Variants in DCLK1 observed in about 807,000 individuals in gnomAD.
DCLK1 encodes the protein serine/threonine-protein kinase DCLK1.
DCLK1 carries 16 observed loss-of-function variants against 86.2 expected under a neutral mutation model. That is an observed-to-expected ratio of 0.19 (90% CI 0.13 to 0.28). The LOEUF (loss-of-function observed/expected upper bound fraction) is 0.28, where lower values mean the gene tolerates loss of function less well. Among genes scored for constraint, DCLK1 ranks in the 10% least tolerant of loss-of-function variants. The pLI is 1.00. For synonymous variants in DCLK1, 369 were observed against 370.5 expected, an observed-to-expected ratio of 1.00 and a Z score of 0.05; for missense variants, 590 against 940.2, an observed-to-expected ratio of 0.63 and a Z score of 4.87.
rs141496333 is a variant in DCLK1, at chr13:35,920,174, G to A, written c.823+27184C>T. The stretch of plus-strand genomic sequence containing the variant: ...AATGTATATGGACATCTCTCTACTC[G>A]TATCTGCAACTATGTCCACATCTTC... On this transcript the variant is annotated intron_variant, in intron 4 of 16. Coordinates refer to ENST00000360631, the MANE Select transcript of DCLK1 (RefSeq NM_001330071.2). 3.3e-3 allele frequency among the ~76,000 whole-genome samples: 495 copies of A among 152,096 alleles called. 3 individuals are homozygous for A. Among genetic ancestry groups the A allele is most frequent in the Non-Finnish European group, 5.7e-3 (388 of 68,000 alleles).
At chr13:35,839,032 G>T in intron 7 of DCLK1, 60 bp downstream of exon 7, 1 of 1,462,316 alleles carries the variant, frequency 6.8e-7, no homozygotes, top group Non-Finnish European at 9.4e-7. Context: ...ACAGTTTCTT[G>T]GAGTAAATTT....
chr13:36,104,393 G>A (rs1296402794), intron 3 of DCLK1, among the ~76,000 whole-genome samples: 2 of 152,178 alleles, frequency 1.3e-5, no homozygotes, highest in African/African-American at 2.4e-5. Context: ...GGAGGAGACA[G>A]GCATTACAAT....
chr13:35,850,762 G>T (rs1345190468), intron 6 of DCLK1: 1 of 1,600,062 alleles, frequency 6.2e-7, no homozygotes, highest in Non-Finnish European at 8.5e-7. Context: ...CCGAAGAGAG[G>T]GGGCGGTACA....
At position 35,774,419 on chromosome 13, in the gene DCLK1, G is replaced by T; in HGVS notation, c.*116C>A. On this transcript the variant is annotated 3_prime_UTR_variant, in exon 17 of 17. Transcript: ENST00000360631. ...GATACCTGAAAACACTTTCAGTTCT[G>T]CCATTCAAGCATTGAGCGCTAGATA... is the stretch of plus-strand genomic sequence containing the variant. The T allele has an allele frequency of 8.2e-7, 1 of 1,222,956 alleles. No homozygotes were observed. 75.8% of individuals were successfully genotyped at this position (1,222,956 alleles called of 1,614,324 possible). A position where few individuals can be genotyped will look rare whatever the true frequency, so the allele number is the denominator to read the frequency against.
intron 4 of DCLK1, among the ~76,000 whole-genome samples, chr13:35,873,113 C>T (rs5020952): frequency 0.2 from 30,564 of 151,626 alleles, 3,151 homozygotes; most frequent in East Asian, 0.28. Flanking sequence ...GCCGGGCCAA[C>T]ATGGTGAAAC....
intron 3 of DCLK1, among the ~76,000 whole-genome samples, chr13:36,079,726 G>A (rs1045180479): frequency 1.3e-5 from 2 of 152,016 alleles, no homozygotes; most frequent in Admixed American, 6.6e-5. Flanking sequence ...CAAGGAAAAC[G>A]AATTGCTACA....
rs561655891 is a variant in DCLK1 at position 35,770,422 on chromosome 13, T to G, written c.*4113A>C. 6.6e-6 allele frequency: 1 copy of G among 152,314 alleles called. No homozygotes were observed. Among genetic ancestry groups the G allele is most frequent in the Non-Finnish European group, 1.5e-5 (1 of 68,024 alleles). The allele number at this position is 152,314 out of a possible 1,614,324, so 9.4% of individuals were successfully genotyped here. A position where few individuals can be genotyped will look rare whatever the true frequency, so the allele number is the denominator to read the frequency against. ...CACTATTTTCCCCAACAGACTAGAA[T>G]GGCTCCATGAAATTTGACAATTAAG... is the stretch of plus-strand genomic sequence containing the variant. On this transcript the variant is annotated 3_prime_UTR_variant, in exon 17 of 17. Transcript: ENST00000360631.
chr13:35,797,396 T>C (rs1252940469), intron 15 of DCLK1, among the ~76,000 whole-genome samples: 6 of 152,152 alleles, frequency 3.9e-5, no homozygotes, highest in African/African-American at 1.4e-4. Flanking sequence ...GATTTCCTTA[T>C]CATTTCCCAG....
intron 11 of DCLK1, among the ~76,000 whole-genome samples, chr13:35,816,851 C>T (rs1381595121): frequency 6.6e-6 from 1 of 152,194 alleles, no homozygotes; most frequent in Non-Finnish European, 1.5e-5. Context: ...ATGTGAACAT[C>T]CCTCTGGATA....
At chr13:35,947,776 G>A (rs879753502) in intron 3 of DCLK1, among the ~76,000 whole-genome samples, 5 of 152,084 alleles carry the variant, frequency 3.3e-5, no homozygotes, top group African/African-American at 7.2e-5. Flanking sequence ...TTTCCTCTTC[G>A]GAATGTAATA....
At chr13:36,109,785 G>A (rs529799016) in intron 3 of DCLK1, among the ~76,000 whole-genome samples, 84 of 152,256 alleles carry the variant, frequency 5.5e-4, no homozygotes, top group Middle Eastern at 3.4e-3. Flanking sequence ...ATTAAACCTC[G>A]GATTCCGTCC....
At chr13:36,052,061 C>G (rs1187733905) in intron 3 of DCLK1, among the ~76,000 whole-genome samples, 1 of 152,188 alleles carries the variant, frequency 6.6e-6, no homozygotes, top group Non-Finnish European at 1.5e-5. Context: ...TCATCACTAT[C>G]ACTTTAGAGA....
intron 4 of DCLK1, among the ~76,000 whole-genome samples, chr13:35,933,701 C>T (rs1156964230): frequency 6.6e-6 from 1 of 152,214 alleles, no homozygotes; most frequent in African/African-American, 2.4e-5. Flanking sequence ...CTGCACACAG[C>T]TCAGGGACCC....
In DCLK1 at chr13:35,790,659, T is replaced by G. The variant is rs550410303; in HGVS notation, c.2058+2707A>C. ...CTATCAAAGAGAAGTCATCACTGTATTATATCAATTCCTGAACTTTTAATG... is the reference window on the plus strand; with the variant it reads ...CTATCAAAGAGAAGTCATCACTGTAGTATATCAATTCCTGAACTTTTAATG... On this transcript the variant is annotated intron_variant, in intron 16 of 16. Transcript: ENST00000360631. 4.0e-3 allele frequency among the ~76,000 whole-genome samples: 612 copies of G among 152,282 alleles called. 2 individuals are homozygous for G. The highest frequency in any genetic ancestry group is 0.011 in the South Asian group (54 of 4,830).
intron 3 of DCLK1, among the ~76,000 whole-genome samples, chr13:35,967,206 A>G: frequency 6.8e-6 from 1 of 148,044 alleles, no homozygotes; most frequent in Non-Finnish European, 1.5e-5. Context: ...CCGTCTGAGA[A>G]CTGAGGAGCC....
At chr13:35,851,362 C>A (rs192380160) in intron 6 of DCLK1, among the ~76,000 whole-genome samples, 1 of 152,302 alleles carries the variant, frequency 6.6e-6, no homozygotes, top group Admixed American at 6.5e-5. Context: ...ACCACTCACT[C>A]ATCACCTCCT....
At chr13:35,836,214 G>A (rs1869367141) in intron 7 of DCLK1, 73 bp from the exon 8 acceptor site, 1 of 1,278,794 alleles carries the variant, frequency 7.8e-7, no homozygotes, top group Non-Finnish European at 1.1e-6. Flanking sequence ...ACATTTAAAA[G>A]TATCATCTAA....
chr13:36,123,931 C>T (rs1225506257), intron 2 of DCLK1, among the ~76,000 whole-genome samples: 1 of 152,178 alleles, frequency 6.6e-6, no homozygotes, highest in Admixed American at 6.5e-5. Flanking sequence ...TACCACCTCC[C>T]AGACCCTCTC....
intron 4 of DCLK1, among the ~76,000 whole-genome samples, chr13:35,918,838 A>G (rs1875592946): frequency 6.7e-6 from 1 of 149,456 alleles, no homozygotes; most frequent in Non-Finnish European, 1.5e-5. Context: ...CTCCTATTTA[A>G]TTAATTGTCT....
Sources: gnomAD v4.1 joint callset for allele counts (sites outside exome capture counted in the v4.1 genomes callset) on GRCh38, gnomAD v4.1.1 for gene constraint, MANE v1.5 for transcripts, NCBI Gene and HGNC (gene_info 2026-07-23, HGNC 2026-07-21) for gene names.